The following PTN variants were observed in gnomAD, a reference collection of about 807,000 sequenced individuals.
PTN encodes the protein pleiotrophin.
Under a neutral mutation model 24.1 loss-of-function variants are expected in PTN, and 18 were observed. That is an observed-to-expected ratio of 0.75 (90% confidence interval 0.52 to 1.11). PTN has a LOEUF of 1.11. Ranked by LOEUF, PTN falls within the 50% of genes least tolerant of loss-of-function variation. The pLI is 0.00. For synonymous variants in PTN, 78 were observed against 68.6 expected (o/e 1.14, Z -0.67); for missense variants, 163 against 198.8 (o/e 0.82, Z 1.08).
chr7:137,341,087 T>C (rs1810526324), intron 1 of PTN, among the ~76,000 whole-genome samples: 1 of 152,192 alleles, frequency 6.6e-6, no homozygotes, highest in African/African-American at 2.4e-5. Flanking sequence ...ACATGACAAA[T>C]AGGAATATGG....
intron 1 of PTN, among the ~76,000 whole-genome samples, chr7:137,259,730 G>T (rs139256916): frequency 2.0e-4 from 31 of 151,842 alleles, no homozygotes; most frequent in East Asian, 7.7e-4. Flanking sequence ...ACCAACTAAA[G>T]TTGTGTTCAG....
Position 137,246,752 on chromosome 7 carries a change from A to G in PTN, c.451+4478T>C, listed in dbSNP as rs564759917. 7.2e-5 allele frequency among the ~76,000 whole-genome samples: 11 copies of G among 152,312 alleles called. No individual in the cohort carries two copies. The South Asian group carries it at 1.9e-3, about 26-fold the overall frequency. On this transcript the variant is annotated intron_variant, in intron 4 of 4. Transcript: ENST00000348225. ...TTAAAGCTTCTAGACATAAAGATTC[A>G]TCTAATAAATGTGACCAGCGTTGCA... is the stretch of plus-strand genomic sequence containing the variant.
chr7:137,323,156 C>A (rs1810192683), intron 1 of PTN, among the ~76,000 whole-genome samples: 1 of 152,166 alleles, frequency 6.6e-6, no homozygotes, highest in Admixed American at 6.5e-5. Flanking sequence ...GTGAATTTAT[C>A]ATTGTGAGAC....
intron 1 of PTN, among the ~76,000 whole-genome samples, chr7:137,255,616 T>C (rs1439148054): frequency 6.6e-6 from 1 of 152,186 alleles, no homozygotes; most frequent in Non-Finnish European, 1.5e-5. Flanking sequence ...AACACAATGA[T>C]AAATTCGCAT....
chr7:137,298,521 T>C (rs1809755235), intron 1 of PTN, among the ~76,000 whole-genome samples: 1 of 151,958 alleles, frequency 6.6e-6, no homozygotes, highest in Non-Finnish European at 1.5e-5. Flanking sequence ...ACTGGGTGGC[T>C]AGTCACTGAG....
At chr7:137,313,713 C>T in intron 1 of PTN, among the ~76,000 whole-genome samples, 1 of 152,230 alleles carries the variant, frequency 6.6e-6, no homozygotes, top group African/African-American at 2.4e-5. Flanking sequence ...TTTCAACTCA[C>T]ATGAGTAACT....
At chr7:137,270,703 T>G (rs1040913757) in intron 1 of PTN, among the ~76,000 whole-genome samples, 1 of 152,180 alleles carries the variant, frequency 6.6e-6, no homozygotes, top group African/African-American at 2.4e-5. Context: ...CACACAATGC[T>G]TATATTTAGT....
chr7:137,308,197 A>G (rs1809920637), intron 1 of PTN, among the ~76,000 whole-genome samples: 1 of 152,106 alleles, frequency 6.6e-6, no homozygotes, highest in African/African-American at 2.4e-5. Context: ...TTTAAATTTT[A>G]TGCCCTGAAA....
chr7:137,295,971 C>A (rs568897452), intron 1 of PTN, among the ~76,000 whole-genome samples: 1 of 151,962 alleles, frequency 6.6e-6, no homozygotes, highest in Non-Finnish European at 1.5e-5. Context: ...TCACTAGTAC[C>A]TTGAGTGATT....
Position 137,276,798 on chromosome 7 carries a change from G to GA in PTN, c.-1-21825dup, listed in dbSNP as rs5887830. 8.1e-3 allele frequency among the ~76,000 whole-genome samples: 1,178 copies of GA among 146,106 alleles called. 16 individuals carry two copies. The highest frequency in any genetic ancestry group is 8.5e-3 in the Non-Finnish European group (564 of 65,976). On this transcript the variant is annotated intron_variant, in intron 1 of 4. Transcript: ENST00000348225. Reference sequence around the variant, plus strand: ...TGCTTCACAATTATTGCTTTTAACAGAAAAAAAAAAATCACAAAAAATATT... The same window carrying GA: ...TGCTTCACAATTATTGCTTTTAACAGAAAAAAAAAAAATCACAAAAAATATT...
intron 1 of PTN, among the ~76,000 whole-genome samples, chr7:137,281,724 T>G (rs1259629929): frequency 6.6e-6 from 1 of 152,166 alleles, no homozygotes; most frequent in East Asian, 1.9e-4. Context: ...AAATAAGTGC[T>G]TAAGACACTT....
At chr7:137,249,595 C>T (rs953983934) in intron 4 of PTN, among the ~76,000 whole-genome samples, 1 of 152,122 alleles carries the variant, frequency 6.6e-6, no homozygotes, top group Admixed American at 6.5e-5. Context: ...TTTGGTTCTA[C>T]AGCTGGACTA....
At chr7:137,288,346 T>C (rs1009317450) in intron 1 of PTN, among the ~76,000 whole-genome samples, 7 of 152,226 alleles carry the variant, frequency 4.6e-5, no homozygotes, top group African/African-American at 1.7e-4. Context: ...GCTAAAATAA[T>C]GAGAGGAACT....
In PTN at chr7:137,227,800, T is replaced by A. The variant is rs768522982; in HGVS notation, c.*220A>T. The A allele has an allele frequency of 7.8e-6, 3 of 384,294 alleles. No individual in the cohort carries two copies. Among genetic ancestry groups the A allele is most frequent in the African/African-American group, 4.2e-5 (2 of 48,106 alleles). 23.8% of individuals were successfully genotyped at this position (384,294 alleles called of 1,614,324 possible). A position where few individuals can be genotyped will look rare whatever the true frequency, so the allele number is the denominator to read the frequency against. ...CATTTATCATGTACTATAAGTCAAC[T>A]TCCTAAATAAGATTACAGTCCTTTA... On this transcript the variant is annotated 3_prime_UTR_variant, in exon 5 of 5. Coordinates refer to ENST00000348225, the MANE Select transcript of PTN (RefSeq NM_002825.7).
intron 1 of PTN, among the ~76,000 whole-genome samples, chr7:137,287,452 A>AT (rs60406979): frequency 0.14 from 20,898 of 149,488 alleles, 1,726 homozygotes; most frequent in South Asian, 0.21. Context: ...CAAAATATGC[A>AT]TTTTTTTTTT....
intron 1 of PTN, among the ~76,000 whole-genome samples, chr7:137,305,767 G>C (rs980868982): frequency 6.6e-6 from 1 of 152,042 alleles, no homozygotes; most frequent in African/African-American, 2.4e-5. Context: ...CAAATCAAGT[G>C]GCAACCTTAT....
At chr7:137,256,860 G>A (rs1320719182) in intron 1 of PTN, among the ~76,000 whole-genome samples, 1 of 152,104 alleles carries the variant, frequency 6.6e-6, no homozygotes, top group African/African-American at 2.4e-5. Flanking sequence ...CAAAGGATAT[G>A]ACAGACACTT....
At chr7:137,342,802 A>C (rs1292396697) in intron 1 of PTN, among the ~76,000 whole-genome samples, 1 of 152,184 alleles carries the variant, frequency 6.6e-6, no homozygotes, top group Non-Finnish European at 1.5e-5. Context: ...CATTCAAATG[A>C]GAGATGGGAC....
intron 1 of PTN, among the ~76,000 whole-genome samples, chr7:137,266,804 A>G (rs961457004): frequency 1.3e-5 from 2 of 151,346 alleles, no homozygotes; most frequent in African/African-American, 2.4e-5. Context: ...TGGGATTTCA[A>G]TTATTCTTTG....
Sources: gnomAD v4.1 joint callset for allele counts (sites outside exome capture counted in the v4.1 genomes callset) on GRCh38, gnomAD v4.1.1 for gene constraint, MANE v1.5 for transcripts, NCBI Gene and HGNC (gene_info 2026-07-23, HGNC 2026-07-21) for gene names.